IMMP2L: variants seen among roughly 807,000 people sequenced by gnomAD.
IMMP2L encodes inner mitochondrial membrane peptidase subunit 2, also known as mitochondrial inner membrane protease subunit 2.
Under a neutral mutation model 19.3 loss-of-function variants are expected in IMMP2L, and 18 were observed. The observed-to-expected ratio is 0.93, with a 90% CI of 0.64 to 1.38. The LOEUF (loss-of-function observed/expected upper bound fraction) is 1.38. Among genes scored for constraint, IMMP2L ranks in the 40% most tolerant of loss-of-function variants. The pLI is 0.00. For synonymous variants in IMMP2L, 76 were observed against 73.0 expected (o/e 1.04, Z -0.21); for missense variants, 233 against 218.2 (o/e 1.07, Z -0.43).
At chr7:111,410,208 T>C (rs1351763352) in intron 3 of IMMP2L, among the ~76,000 whole-genome samples, 1 of 151,726 alleles carries the variant, frequency 6.6e-6, no homozygotes, top group African/African-American at 2.4e-5. Context: ...TGTTGTTGAA[T>C]ACCCAGAGTA....
At chr7:110,763,565 T>C (rs1369919984) in intron 5 of IMMP2L, among the ~76,000 whole-genome samples, 1 of 152,116 alleles carries the variant, frequency 6.6e-6, no homozygotes, top group African/African-American at 2.4e-5. Context: ...ACCTGAACAC[T>C]ACTAAATGGG....
At chr7:111,295,787 T>A (rs1821567283) in intron 3 of IMMP2L, among the ~76,000 whole-genome samples, 1 of 151,826 alleles carries the variant, frequency 6.6e-6, no homozygotes, top group African/African-American at 2.4e-5. Flanking sequence ...AATGAAATTT[T>A]GTCAGTGTTA....
rs1396461475 is a variant in IMMP2L at position 110,822,215 on chromosome 7, T to G, written c.408+64378A>C. On this transcript the variant is annotated intron_variant, in intron 5 of 5. Transcript: ENST00000405709. ...GAAATCTGGAAAACTCTTCCTTTCT[T>G]TCCTTCAATCTTACATTGTCAACTC... Among the ~76,000 whole-genome samples, 8 of 152,238 alleles carry G rather than the reference T, an allele frequency of 5.3e-5. No individual in the cohort carries two copies. In the East Asian group the frequency reaches 1.6e-3, roughly 30 times the overall value.
At chr7:110,795,748 G>C (rs1326801448) in intron 5 of IMMP2L, among the ~76,000 whole-genome samples, 1 of 151,978 alleles carries the variant, frequency 6.6e-6, no homozygotes, top group Non-Finnish European at 1.5e-5. Flanking sequence ...TCATACATCT[G>C]GGAACTGAAT....
intron 3 of IMMP2L, among the ~76,000 whole-genome samples, chr7:111,064,496 C>A (rs763048997): frequency 1.3e-5 from 2 of 152,130 alleles, no homozygotes; most frequent in Admixed American, 6.5e-5. Flanking sequence ...AAATATGATA[C>A]TGTTTCTCCC....
At chr7:110,965,012 C>T (rs1316155082) in intron 3 of IMMP2L, among the ~76,000 whole-genome samples, 2 of 152,044 alleles carry the variant, frequency 1.3e-5, no homozygotes, top group African/African-American at 4.8e-5. Context: ...AGCTAAGATG[C>T]TTCTGGTTTC....
chr7:110,980,494 G>T (rs1585568998), intron 3 of IMMP2L, among the ~76,000 whole-genome samples: 1 of 152,138 alleles, frequency 6.6e-6, no homozygotes, highest in East Asian at 1.9e-4. Context: ...GGGATTACAA[G>T]CGTGAGCCAC....
chr7:111,479,050 CA>C (rs1841964174), intron 3 of IMMP2L, among the ~76,000 whole-genome samples: 1 of 152,162 alleles, frequency 6.6e-6, no homozygotes, highest in Non-Finnish European at 1.5e-5. Context: ...TATAGCCCCA[CA>C]AGAATTCCAA....
At chr7:110,982,631 C>T (rs1821419990) in intron 3 of IMMP2L, among the ~76,000 whole-genome samples, 1 of 152,010 alleles carries the variant, frequency 6.6e-6, no homozygotes, top group Non-Finnish European at 1.5e-5. Flanking sequence ...TAAAAAGACT[C>T]CACTGTGACT....
At chr7:110,679,449 T>G (rs1374019075) in intron 5 of IMMP2L, among the ~76,000 whole-genome samples, 1 of 152,188 alleles carries the variant, frequency 6.6e-6, no homozygotes, top group East Asian at 1.9e-4. Context: ...ACATGTTATT[T>G]TTATGTTGGA....
chr7:111,099,677 C>T lies in IMMP2L; in HGVS notation c.240-136112G>A, dbSNP rs193215544. ...AGTTTAGAGAGCTCACATCAACATACATTTTCTATTCAAAATGAAGTTTTT... is the reference window on the plus strand; with the variant it reads ...AGTTTAGAGAGCTCACATCAACATATATTTTCTATTCAAAATGAAGTTTTT... On this transcript the variant is annotated intron_variant, in intron 3 of 5. Transcript: ENST00000405709. Among the ~76,000 whole-genome samples, 578 of 151,436 alleles carry T rather than the reference C, an allele frequency of 3.8e-3. 2 individuals are homozygous for T. The highest frequency in any genetic ancestry group is 0.01 in the Middle Eastern group (3 of 292).
At chr7:111,070,388 T>C (rs1462728651) in intron 3 of IMMP2L, among the ~76,000 whole-genome samples, 1 of 152,094 alleles carries the variant, frequency 6.6e-6, no homozygotes, top group African/African-American at 2.4e-5. Context: ...TAGTGTTCAG[T>C]CCACGAATTC....
At chr7:111,200,899 A>G (rs1372487004) in intron 3 of IMMP2L, among the ~76,000 whole-genome samples, 1 of 152,188 alleles carries the variant, frequency 6.6e-6, no homozygotes, top group Non-Finnish European at 1.5e-5. Context: ...AAGAACTAAT[A>G]TTGTCATTGT....
At chr7:110,879,736 T>A (rs995813752) in intron 5 of IMMP2L, among the ~76,000 whole-genome samples, 5 of 152,192 alleles carry the variant, frequency 3.3e-5, no homozygotes, top group African/African-American at 7.2e-5. Flanking sequence ...GGCAATATCA[T>A]ACTTACAAAA....
At chr7:111,453,108 G>A (rs991751225) in intron 3 of IMMP2L, among the ~76,000 whole-genome samples, 5 of 152,096 alleles carry the variant, frequency 3.3e-5, no homozygotes, top group Admixed American at 6.6e-5. Context: ...TCTAATCTTC[G>A]TGTCATTATC....
intron 1 of IMMP2L, among the ~76,000 whole-genome samples, chr7:111,557,046 C>G (rs1302222603): frequency 6.6e-6 from 1 of 152,106 alleles, no homozygotes; most frequent in Admixed American, 6.6e-5. Flanking sequence ...CTCCCTCTCC[C>G]ATATCTTTTA....
intron 3 of IMMP2L, among the ~76,000 whole-genome samples, chr7:111,150,896 T>G (rs944222065): frequency 1.1e-4 from 17 of 152,204 alleles, no homozygotes; most frequent in African/African-American, 3.9e-4. Flanking sequence ...CTGTGCCATT[T>G]CATTAGCCAC....
At chr7:110,778,876 T>G (rs956795466) in intron 5 of IMMP2L, among the ~76,000 whole-genome samples, 1 of 151,920 alleles carries the variant, frequency 6.6e-6, no homozygotes, top group African/African-American at 2.4e-5. Context: ...TCTGCCTATT[T>G]TGTGGTGCAA....
intron 3 of IMMP2L, among the ~76,000 whole-genome samples, chr7:111,249,199 C>A (rs1269642415): frequency 1.2e-5 from 1 of 81,826 alleles, no homozygotes; most frequent in African/African-American, 5.7e-5. Flanking sequence ...ACCCTCCGAG[C>A]CAGGTGTGGG....
Sources: allele counts gnomAD v4.1 joint callset (sites outside exome capture counted in the v4.1 genomes callset), GRCh38; gene constraint gnomAD v4.1.1; transcripts MANE v1.5; gene names NCBI Gene and HGNC (gene_info 2026-07-23, HGNC 2026-07-21).